The following CACNA2D3 variants were observed in gnomAD, a reference collection of about 807,000 sequenced individuals.
The protein encoded by CACNA2D3 is calcium voltage-gated channel auxiliary subunit alpha2delta 3.
In CACNA2D3, 60 loss-of-function variants were observed where a neutral mutation model predicts 160.6. That is an observed-to-expected ratio of 0.37 (90% CI 0.30 to 0.46). The LOEUF (loss-of-function observed/expected upper bound fraction) is 0.46. Among genes scored for constraint, CACNA2D3 ranks in the 20% least tolerant of loss-of-function variants. CACNA2D3 has a pLI of 1.00. For synonymous variants in CACNA2D3, 558 were observed against 492.9 expected (o/e 1.13, Z -1.75); for missense variants, 1,205 against 1,365.0 (o/e 0.88, Z 1.85).
chr3:54,858,599 T>G (rs1699219492), intron 17 of CACNA2D3, among the ~76,000 whole-genome samples: 1 of 152,180 alleles, frequency 6.6e-6, no homozygotes, highest in Admixed American at 6.5e-5. Context: ...TTGTTCCTCC[T>G]TAAAATAGGA....
chr3:54,564,679 T>C (rs1316468090), intron 6 of CACNA2D3, among the ~76,000 whole-genome samples: 1 of 152,242 alleles, frequency 6.6e-6, no homozygotes, highest in African/African-American at 2.4e-5. Flanking sequence ...TTCTTCAGTC[T>C]TACTGAGTTC....
At position 54,970,063 on chromosome 3, in the gene CACNA2D3, C is replaced by G. The variant is rs953266419; in HGVS notation, c.2556+219C>G. On this transcript the variant is annotated intron_variant, in intron 29 of 37. Coordinates refer to ENST00000474759, the MANE Select transcript of CACNA2D3 (RefSeq NM_018398.3). ...ACAGCTGGAAATGTGCTTTAAATGTCTCATGGATAGCACTATTGGAATTTT... is the reference window on the plus strand; with the variant it reads ...ACAGCTGGAAATGTGCTTTAAATGTGTCATGGATAGCACTATTGGAATTTT... Among the ~76,000 whole-genome samples, 7 of 151,688 alleles carry G rather than the reference C, an allele frequency of 4.6e-5. No individual in the cohort carries two copies. In the South Asian group the frequency reaches 1.5e-3, roughly 32 times the overall value.
intron 2 of CACNA2D3, among the ~76,000 whole-genome samples, chr3:54,299,875 T>C (rs1251748438): frequency 1.3e-5 from 2 of 152,218 alleles, no homozygotes; most frequent in African/African-American, 4.8e-5. Context: ...TGTAAGCGTT[T>C]TGTTGCTGGT....
At chr3:54,954,214 A>G (rs1040584440) in intron 27 of CACNA2D3, among the ~76,000 whole-genome samples, 3 of 152,152 alleles carry the variant, frequency 2.0e-5, no homozygotes, top group South Asian at 2.1e-4. Flanking sequence ...GGTCAGTGCT[A>G]TGGCCTCCTC....
chr3:54,944,643 G>A (rs547254196), intron 27 of CACNA2D3, among the ~76,000 whole-genome samples: 7 of 152,102 alleles, frequency 4.6e-5, no homozygotes, highest in South Asian at 2.1e-4. Context: ...GGATGGTCTC[G>A]AACTCCTGAC....
intron 4 of CACNA2D3, among the ~76,000 whole-genome samples, chr3:54,423,571 C>T (rs895732671): frequency 6.6e-6 from 1 of 152,164 alleles, no homozygotes; most frequent in African/African-American, 2.4e-5. Flanking sequence ...CTGTGGGCTG[C>T]AGGCATGTAT....
intron 29 of CACNA2D3, among the ~76,000 whole-genome samples, chr3:54,970,782 G>A (rs1432092740): frequency 6.6e-5 from 10 of 151,462 alleles, no homozygotes. Flanking sequence ...ACGTTTTGGA[G>A]CAGGCAGAAG....
intron 29 of CACNA2D3, among the ~76,000 whole-genome samples, chr3:54,976,056 T>TACACACACACACACAC (rs3841944): frequency 2.1e-5 from 3 of 145,062 alleles, no homozygotes; most frequent in African/African-American, 7.7e-5. Flanking sequence ...TAGATATAGA[T>TACACACACACACACAC]ACACACACAC....
In CACNA2D3 at chr3:54,918,432, G is replaced by T; in HGVS notation, c.2449+18564G>T. 4 of 1,535,184 alleles carry T rather than the reference G, an allele frequency of 2.6e-6. No homozygotes were observed. In the South Asian group the frequency reaches 4.5e-5, roughly 17 times the overall value. ...CAGACACTATCTTCTGGCCTGCAAT[G>T]ACCAATCCTATTTGAGACAAAAGCT... On this transcript the variant is annotated intron_variant, in intron 27 of 37. Transcript: ENST00000474759.
At chr3:54,870,005 T>C (rs1311595964) in intron 17 of CACNA2D3, among the ~76,000 whole-genome samples, 1 of 152,190 alleles carries the variant, frequency 6.6e-6, no homozygotes, top group Non-Finnish European at 1.5e-5. Context: ...GGGCTCACCG[T>C]TGATCAGGGT....
At chr3:54,725,112 C>T (rs1396772139) in intron 11 of CACNA2D3, among the ~76,000 whole-genome samples, 3 of 152,122 alleles carry the variant, frequency 2.0e-5, no homozygotes, top group Non-Finnish European at 4.4e-5. Context: ...ATACAAACTA[C>T]CATCAGAGAA....
Position 54,927,929 on chromosome 3 carries a change from C to T in CACNA2D3, c.2449+28061C>T, listed in dbSNP as rs374645077. 1.5e-5 allele frequency: 24 copies of T among 1,613,314 alleles called. No homozygotes were observed. The African/African-American group carries it at 1.7e-4, about 12-fold the overall frequency. On this transcript the variant is annotated intron_variant, in intron 27 of 37. Transcript: ENST00000474759. Reference sequence around the variant, plus strand: ...CCTTTCATGACTGAGTCTCCTTGGGCGTCCTTGCTGACCTCGTAGACCCTT... The same window carrying T: ...CCTTTCATGACTGAGTCTCCTTGGGTGTCCTTGCTGACCTCGTAGACCCTT...
chr3:54,984,815 C>T (rs2107103022), intron 30 of CACNA2D3, 145 bp downstream of exon 30: 1 of 621,242 alleles, frequency 1.6e-6, no homozygotes, highest in Non-Finnish European at 2.8e-6. Context: ...TATTTCCATC[C>T]CTCTAAGAAT....
intron 4 of CACNA2D3, among the ~76,000 whole-genome samples, chr3:54,467,515 G>A (rs776933102): frequency 6.6e-6 from 1 of 152,184 alleles, no homozygotes; most frequent in Non-Finnish European, 1.5e-5. Flanking sequence ...AAGTTGCCTC[G>A]CCTCATCTCT....
intron 27 of CACNA2D3, among the ~76,000 whole-genome samples, chr3:54,910,978 G>A (rs896952290): frequency 2.6e-5 from 4 of 152,038 alleles, no homozygotes; most frequent in African/African-American, 7.2e-5. Flanking sequence ...GAAATTCCAC[G>A]TATCTTGTGC....
intron 2 of CACNA2D3, among the ~76,000 whole-genome samples, chr3:54,249,432 G>A (rs1486190265): frequency 6.6e-6 from 1 of 152,020 alleles, no homozygotes; most frequent in Admixed American, 6.6e-5. Context: ...TTCTCCAGCA[G>A]ACTGTCTTTG....
chr3:54,349,721 C>G (rs1415736517), intron 3 of CACNA2D3, among the ~76,000 whole-genome samples: 1 of 152,176 alleles, frequency 6.6e-6, no homozygotes, highest in African/African-American at 2.4e-5. Flanking sequence ...TCACGTCTTC[C>G]CATGATAGCA....
chr3:54,794,094 A>G (rs943393691), intron 13 of CACNA2D3, among the ~76,000 whole-genome samples: 5 of 152,130 alleles, frequency 3.3e-5, no homozygotes. Flanking sequence ...TATAAGAGCA[A>G]ATTTTATATA....
At chr3:54,727,061 TAA>T (rs1266381053) in intron 11 of CACNA2D3, among the ~76,000 whole-genome samples, 5 of 151,662 alleles carry the variant, frequency 3.3e-5, no homozygotes, top group African/African-American at 1.2e-4. Context: ...CTGAAATGTA[TAA>T]GAGAAAAACA....
Sources: gnomAD v4.1 joint callset for allele counts (sites outside exome capture counted in the v4.1 genomes callset) on GRCh38, gnomAD v4.1.1 for gene constraint, MANE v1.5 for transcripts, NCBI Gene and HGNC (gene_info 2026-07-23, HGNC 2026-07-21) for gene names.